The following MRPS27 variants were observed in gnomAD, a reference collection of about 807,000 sequenced individuals.
MRPS27 encodes mitochondrial ribosomal protein S27, also known as small ribosomal subunit protein mS27.
Under a neutral mutation model 48.9 loss-of-function variants are expected in MRPS27, and 43 were observed. The ratio of observed to expected loss-of-function variants is 0.88; its 90% CI spans 0.69 to 1.13. MRPS27 has a LOEUF of 1.13. Ranked by LOEUF, MRPS27 falls within the 50% of genes most tolerant of loss-of-function variation. The pLI is 0.00. For missense variants in MRPS27, 467 were observed against 476.3 expected, an observed-to-expected ratio of 0.98 and a Z score of 0.18; for synonymous variants, 188 against 171.9, an observed-to-expected ratio of 1.09 and a Z score of -0.73.
intron 8 of MRPS27, 163 bp from the exon 9 acceptor site, chr5:72,226,362 C>A: frequency 1.4e-6 from 1 of 713,366 alleles, no homozygotes; most frequent in Non-Finnish European, 2.3e-6. Flanking sequence ...GGTGACACTT[C>A]AGATGGATAA....
At chr5:72,302,273 C>A (rs1750146289) in intron 2 of MRPS27, among the ~76,000 whole-genome samples, 1 of 152,164 alleles carries the variant, frequency 6.6e-6, no homozygotes, top group Non-Finnish European at 1.5e-5. Flanking sequence ...GGCCCACAAG[C>A]CTGGGTGAGG....
intron 4 of MRPS27, among the ~76,000 whole-genome samples, chr5:72,288,210 CTTT>C (rs34161754): frequency 2.1e-5 from 3 of 141,400 alleles, no homozygotes; most frequent in African/African-American, 5.2e-5. Flanking sequence ...GGCAAGAATT[CTTT>C]TTTTTTTTTT....
chr5:72,278,209 G>A (rs376664054), intron 4 of MRPS27, among the ~76,000 whole-genome samples: 8 of 152,150 alleles, frequency 5.3e-5, no homozygotes, highest in Middle Eastern at 3.4e-3. Context: ...TTGGGAGGCC[G>A]AGGCGGGCGG....
intron 4 of MRPS27, among the ~76,000 whole-genome samples, chr5:72,256,639 G>C (rs555892019): frequency 6.6e-6 from 1 of 152,366 alleles, no homozygotes; most frequent in Admixed American, 6.5e-5. Flanking sequence ...TGCAGAAATA[G>C]ATGGGTGAGG....
intron 4 of MRPS27, among the ~76,000 whole-genome samples, chr5:72,264,723 A>G (rs1403439023): frequency 6.6e-6 from 1 of 152,216 alleles, no homozygotes; most frequent in Admixed American, 6.5e-5. Flanking sequence ...TAGCAACACC[A>G]GAAACTAAGA....
intron 2 of MRPS27, chr5:72,307,771 G>A (rs1750313825): frequency 6.6e-6 from 1 of 152,124 alleles, no homozygotes; most frequent in African/African-American, 2.4e-5. Flanking sequence ...CGGTAGGAAT[G>A]CTCTTGCTTC....
At chr5:72,241,748 C>T in intron 4 of MRPS27, 1 of 1,497,080 alleles carries the variant, frequency 6.7e-7, no homozygotes, top group Non-Finnish European at 9.0e-7. Flanking sequence ...TCCAATTTGC[C>T]TGCAAACAGA....
chr5:72,315,026 C>A (rs1225782904), intron 1 of MRPS27, among the ~76,000 whole-genome samples: 1 of 152,168 alleles, frequency 6.6e-6, no homozygotes, highest in Non-Finnish European at 1.5e-5. Flanking sequence ...TAGCTCCTGG[C>A]ACAATGCCTA....
At chr5:72,237,180 G>A (rs1397151305) in intron 5 of MRPS27, among the ~76,000 whole-genome samples, 6 of 151,994 alleles carry the variant, frequency 3.9e-5, no homozygotes, top group African/African-American at 1.4e-4. Flanking sequence ...ACCTACATTT[G>A]CCTAATATTA....
chr5:72,303,198 T>A (rs922392878), intron 2 of MRPS27, among the ~76,000 whole-genome samples: 1 of 152,246 alleles, frequency 6.6e-6, no homozygotes, highest in African/African-American at 2.4e-5. Context: ...ATTATCTTGA[T>A]CATGGAGATG....
At chr5:72,294,534 G>A (rs1056881205) in intron 4 of MRPS27, 1 of 152,066 alleles carries the variant, frequency 6.6e-6, no homozygotes, top group African/African-American at 2.4e-5. Context: ...TAGTTGTAAG[G>A]TACAATTCTG....
chr5:72,307,360 T>A (rs1750299961), intron 2 of MRPS27, among the ~76,000 whole-genome samples: 1 of 151,784 alleles, frequency 6.6e-6, no homozygotes, highest in South Asian at 2.1e-4. Context: ...GAAAATAAAA[T>A]AAAATAAGAA....
At chr5:72,221,773 GC>G (rs1237771288) in intron 10 of MRPS27, among the ~76,000 whole-genome samples, 1 of 152,232 alleles carries the variant, frequency 6.6e-6, no homozygotes, top group African/African-American at 2.4e-5. Flanking sequence ...AGAAGCGTCT[GC>G]CTGCTGTGCT....
chr5:72,304,252 A>G (rs1444912129), intron 2 of MRPS27, among the ~76,000 whole-genome samples: 2 of 152,146 alleles, frequency 1.3e-5, no homozygotes, highest in African/African-American at 4.8e-5. Flanking sequence ...GTAAAAAACA[A>G]AAACAATCCA....
rs1207429374 is a variant in MRPS27 at position 72,232,483 on chromosome 5, T to A, written c.551A>T (p.Tyr184Phe). The change falls in exon 7 of 11, where the codon TAT becomes TTT. Residue 184 changes from tyrosine (Y) to phenylalanine (F), a missense_variant. Physicochemically the swap from Tyr to Phe is conservative, Grantham distance 22. Coordinates refer to ENST00000261413, the MANE Select transcript of MRPS27 (RefSeq NM_015084.3). ...CTTTGCCAGGCAATGAAATAAAACATAGAGGGAGAGAAGTTGGGTGGAAGG... is the reference window on the plus strand; with the variant it reads ...CTTTGCCAGGCAATGAAATAAAACAAAGAGGGAGAGAAGTTGGGTGGAAGG... ...EVPSTQLLSL[Y>F]VLFHCLAKKT... 6.2e-7 allele frequency: 1 copy of A among 1,612,390 alleles called. No individual in the cohort carries two copies. The highest frequency in any genetic ancestry group is 1.1e-5 in the South Asian group (1 of 91,018).
chr5:72,315,557 G>A (rs1233050895), intron 1 of MRPS27, among the ~76,000 whole-genome samples: 999 of 84,512 alleles, frequency 0.012, 6 homozygotes, highest in Non-Finnish European at 0.016. Flanking sequence ...ACTCTGTTTC[G>A]AAAAAAAAAA....
chr5:72,237,970 C>A (rs1748246662), intron 5 of MRPS27, 44 bp downstream of exon 5: 1 of 1,407,102 alleles, frequency 7.1e-7, no homozygotes, highest in African/African-American at 1.4e-5. Flanking sequence ...CACCATATCA[C>A]CTAAACTCAG....
intron 1 of MRPS27, 119 bp from the exon 2 acceptor site, chr5:72,314,277 T>G: frequency 3.0e-6 from 2 of 674,780 alleles, no homozygotes; most frequent in Non-Finnish European, 4.8e-6. Context: ...TTAAATAATC[T>G]AATACAGTAC....
intron 4 of MRPS27, among the ~76,000 whole-genome samples, chr5:72,269,297 G>GCTA (rs1457441072): frequency 6.6e-6 from 1 of 152,146 alleles, no homozygotes; most frequent in African/African-American, 2.4e-5. Context: ...ATGCCCTAAG[G>GCTA]CTACCTGAGG....
Sources: gnomAD v4.1 joint callset for allele counts (sites outside exome capture counted in the v4.1 genomes callset) on GRCh38, gnomAD v4.1.1 for gene constraint, MANE v1.5 for transcripts, NCBI Gene and HGNC (gene_info 2026-07-23, HGNC 2026-07-21) for gene names.